MAD1L1: variants seen among roughly 807,000 people sequenced by gnomAD.
MAD1L1 encodes mitotic spindle assembly checkpoint protein MAD1.
In MAD1L1, 95 loss-of-function variants were observed where a neutral mutation model predicts 96.9. The ratio of observed to expected loss-of-function variants is 0.98; its 90% confidence interval spans 0.83 to 1.16. MAD1L1 has a LOEUF of 1.16. Among genes scored for constraint, MAD1L1 ranks in the 50% most tolerant of loss-of-function variants. The pLI, the probability that MAD1L1 is intolerant of heterozygous loss-of-function variation, is 0.00. For synonymous variants in MAD1L1, 473 were observed against 396.6 expected (o/e 1.19, Z -2.29); for missense variants, 1,007 against 954.4 (o/e 1.06, Z -0.73).
intron 4 of MAD1L1, among the ~76,000 whole-genome samples, chr7:2,224,331 C>T (rs1283591554): frequency 1.3e-5 from 2 of 152,124 alleles, no homozygotes; most frequent in African/African-American, 2.4e-5. Flanking sequence ...CTCCCCTTCC[C>T]ACCAATTCCT....
intron 14 of MAD1L1, among the ~76,000 whole-genome samples, chr7:1,983,152 GCGCACACACA>G (rs1490293031): frequency 0.042 from 1,239 of 29,852 alleles, 13 homozygotes; most frequent in Middle Eastern, 0.12. Context: ...GCGCGCGCGC[GCGCACACACA>G]CACACACACA....
chr7:2,000,216 C>T (rs1670895041), intron 14 of MAD1L1, among the ~76,000 whole-genome samples: 1 of 152,120 alleles, frequency 6.6e-6, no homozygotes, highest in South Asian at 2.1e-4. Flanking sequence ...GATTCCCAGC[C>T]CTCACGCTCT....
chr7:2,155,183 G>T (rs1009675625), intron 10 of MAD1L1, among the ~76,000 whole-genome samples: 13 of 152,012 alleles, frequency 8.6e-5, no homozygotes, highest in African/African-American at 2.7e-4. Context: ...GCAAAGGGGG[G>T]TCCTCAGGCC....
At chr7:1,855,631 G>C (rs147904565) in intron 18 of MAD1L1, among the ~76,000 whole-genome samples, 1 of 152,092 alleles carries the variant, frequency 6.6e-6, no homozygotes, top group African/African-American at 2.4e-5. Flanking sequence ...GGCCTTGTCC[G>C]TGCCCCCTCC....
intron 15 of MAD1L1, among the ~76,000 whole-genome samples, chr7:1,958,328 A>G (rs1030450372): frequency 3.3e-5 from 5 of 152,228 alleles, no homozygotes; most frequent in African/African-American, 1.2e-4. Context: ...GTTTTAGTTC[A>G]CTGTAAAAAG....
intron 16 of MAD1L1, among the ~76,000 whole-genome samples, chr7:1,955,627 G>A (rs113600006): frequency 8.5e-5 from 13 of 152,282 alleles, no homozygotes; most frequent in Admixed American, 7.8e-4. Flanking sequence ...AAGATTAGGT[G>A]TCTGGTGGGC....
intron 16 of MAD1L1, among the ~76,000 whole-genome samples, chr7:1,954,916 G>A (rs1042854426): frequency 2.4e-4 from 37 of 152,182 alleles, no homozygotes; most frequent in African/African-American, 8.2e-4. Context: ...GCACCCAGTC[G>A]GCCCTAATGA....
chr7:2,024,935 C>CTCTATTCCAGAGAATAGAAGCATACAG (rs1782936790), intron 12 of MAD1L1, among the ~76,000 whole-genome samples: 1 of 152,212 alleles, frequency 6.6e-6, no homozygotes, highest in Non-Finnish European at 1.5e-5. Flanking sequence ...GCAAACTATT[C>CTCTATTCCAGAGAATAGAAGCATACAG]TGTATGACAC....
chr7:2,069,940 C>T (rs1785047663), intron 11 of MAD1L1, among the ~76,000 whole-genome samples: 1 of 152,248 alleles, frequency 6.6e-6, no homozygotes, highest in African/African-American at 2.4e-5. Flanking sequence ...TCCCCACAGC[C>T]ACTGCCTCAG....
intron 12 of MAD1L1, among the ~76,000 whole-genome samples, chr7:2,017,645 G>A (rs1782601739): frequency 6.6e-6 from 1 of 152,198 alleles, no homozygotes; most frequent in African/African-American, 2.4e-5. Context: ...GAACAGCGTT[G>A]AGTAGGCGCC....
At chr7:2,004,575 G>C (rs539052482) in intron 13 of MAD1L1, among the ~76,000 whole-genome samples, 9 of 152,242 alleles carry the variant, frequency 5.9e-5, no homozygotes, top group African/African-American at 2.2e-4. Context: ...TGTGCCTCCC[G>C]ACACAGAATC....
chr7:2,077,349 T>C (rs1785427102), intron 11 of MAD1L1, among the ~76,000 whole-genome samples: 2 of 152,214 alleles, frequency 1.3e-5, no homozygotes, highest in South Asian at 4.1e-4. Context: ...TTTTTAATCA[T>C]CTCGATTTTA....
chr7:1,839,583 G>C (rs191344026), intron 18 of MAD1L1, among the ~76,000 whole-genome samples: 47 of 152,364 alleles, frequency 3.1e-4, no homozygotes, highest in Middle Eastern at 6.8e-3. Context: ...GGGCCATAGA[G>C]AGCATTTCCG....
Position 2,230,549 on chromosome 7 carries a change from G to A in MAD1L1, c.-11C>T, listed in dbSNP as rs886539825. 6 of 182,350 alleles carry A rather than the reference G, an allele frequency of 3.3e-5. No individual in the cohort carries two copies. The highest frequency in any genetic ancestry group is 1.2e-4 in the South Asian group (1 of 8,240). 11.3% of individuals were successfully genotyped at this position (182,350 alleles called of 1,614,324 possible). On this transcript the variant is annotated splice_region_variant and 5_prime_UTR_variant, in exon 2 of 19. Coordinates refer to ENST00000265854, the MANE Select transcript of MAD1L1 (RefSeq NM_001013836.2). The stretch of plus-strand genomic sequence containing the variant: ...GGCTTTATTGGGGAAACTGACTCAC[G>A]CGATTACAGAGACTGTCCCACAACA...
At chr7:1,986,434 G>A (rs1321334903) in intron 14 of MAD1L1, among the ~76,000 whole-genome samples, 2 of 148,338 alleles carry the variant, frequency 1.3e-5, no homozygotes, top group Non-Finnish European at 3.0e-5. Context: ...CGGAGCCAGG[G>A]TCAGGGGCCG....
At chr7:1,845,950 G>T in intron 18 of MAD1L1, 1 of 152,960 alleles carries the variant, frequency 6.5e-6, no homozygotes, top group Non-Finnish European at 1.5e-5. Context: ...CCCCAAGGGA[G>T]GGGAGGTGCT....
intron 17 of MAD1L1, among the ~76,000 whole-genome samples, chr7:1,936,375 G>T (rs993198034): frequency 6.6e-6 from 1 of 152,254 alleles, no homozygotes; most frequent in African/African-American, 2.4e-5. Flanking sequence ...GGATTTACTT[G>T]TGATTAATGG....
At chr7:1,838,949 G>A (rs1194905438) in intron 18 of MAD1L1, 11 of 393,898 alleles carry the variant, frequency 2.8e-5, no homozygotes, top group Non-Finnish European at 4.7e-5. Flanking sequence ...AAGACACGCC[G>A]GGCTCTGGGA....
intron 18 of MAD1L1, among the ~76,000 whole-genome samples, chr7:1,893,229 C>T (rs971558204): frequency 6.6e-6 from 1 of 152,122 alleles, no homozygotes; most frequent in Non-Finnish European, 1.5e-5. Context: ...CCTCCACCCA[C>T]GCGGCAACAA....
Sources: gnomAD v4.1 joint callset for allele counts (sites outside exome capture counted in the v4.1 genomes callset) on GRCh38, gnomAD v4.1.1 for gene constraint, MANE v1.5 for transcripts, NCBI Gene and HGNC (gene_info 2026-07-23, HGNC 2026-07-21) for gene names.